Variants in ISM1 observed in about 807,000 individuals in gnomAD.
The protein encoded by ISM1 is isthmin 1.
A neutral mutation model predicts 46.3 loss-of-function variants in ISM1; 25 were observed. That is an observed-to-expected ratio of 0.54 (90% CI 0.39 to 0.75). The LOEUF (loss-of-function observed/expected upper bound fraction) is 0.75, where lower values mean the gene tolerates loss of function less well. ISM1 is among the 30% of genes least tolerant of loss of function. The pLI is 0.00. For synonymous variants in ISM1, 255 were observed against 256.7 expected, an observed-to-expected ratio of 0.99 and a Z score of 0.06; for missense variants, 536 against 625.4, an observed-to-expected ratio of 0.86 and a Z score of 1.52.
At chr20:13,251,092 C>T (rs1042576826) in intron 1 of ISM1, among the ~76,000 whole-genome samples, 1 of 152,130 alleles carries the variant, frequency 6.6e-6, no homozygotes, top group Non-Finnish European at 1.5e-5. Context: ...GGATTTCTGC[C>T]TCCCTCCCTA....
Position 13,270,715 on chromosome 20 carries a change from A to G in ISM1, c.350A>G (p.Asp117Gly), listed in dbSNP as rs368165367. 6.2e-7 allele frequency: 1 copy of G among 1,613,918 alleles called. No individual in the cohort carries two copies. Among genetic ancestry groups the G allele is most frequent in the Non-Finnish European group, 8.5e-7 (1 of 1,179,834 alleles). The stretch of plus-strand genomic sequence containing the variant: ...AACTTTCCAGATCTTTCCAAAGCTG[A>G]TATCAATGGGCAGAATCCAAATATC... ...LPNFPDLSKA[D>G]INGQNPNIQV... The change falls in exon 2 of 6, where the codon GAT becomes GGT. Residue 117 changes from aspartate to glycine, a missense_variant. Physicochemically the swap from Asp to Gly is moderately conservative, Grantham distance 94. Around this residue, in one of 2 missense-constraint regions of ISM1, gnomAD observed 367 missense variants for 376.1 expected, o/e 0.98. Coordinates refer to ENST00000262487, the MANE Select transcript of ISM1 (RefSeq NM_080826.2).
intron 1 of ISM1, among the ~76,000 whole-genome samples, chr20:13,246,868 T>C (rs1421704949): frequency 6.6e-6 from 1 of 152,176 alleles, no homozygotes; most frequent in Admixed American, 6.5e-5. Context: ...TGCATTGTAA[T>C]TAATATCCTT....
At chr20:13,248,948 G>A (rs568158627) in intron 1 of ISM1, among the ~76,000 whole-genome samples, 1 of 152,306 alleles carries the variant, frequency 6.6e-6, no homozygotes, top group Admixed American at 6.5e-5. Flanking sequence ...AGAAAGTGCT[G>A]TAACTTCTTA....
chr20:13,316,288 G>A, the ISM1 span, among the ~76,000 whole-genome samples: 1 of 151,928 alleles, frequency 6.6e-6, no homozygotes, highest in Non-Finnish European at 1.5e-5. Flanking sequence ...TAAGGAAATT[G>A]AATTGATAAT....
In ISM1 at chr20:13,270,512, C is replaced by T. The variant is rs1324819509; in HGVS notation, c.147C>T (p.Leu49=). ...NASQAQLQNN[L]NVGSDTTSET... is the part of the protein sequence containing the mutation. ...TTGTTTGTTTGTTTTAGAATAACCT[C>T]AACGTGGGAAGTGACACCACATCAG... Residue 49 remains leucine, a synonymous_variant, in exon 2 of 6, where the codon CTC becomes CTT. Coordinates refer to ENST00000262487, the MANE Select transcript of ISM1 (RefSeq NM_080826.2). 1 of 1,612,652 alleles carries T rather than the reference C, an allele frequency of 6.2e-7. No individual in the cohort carries two copies. Among genetic ancestry groups the T allele is most frequent in the Non-Finnish European group, 8.5e-7 (1 of 1,179,364 alleles).
At chr20:13,310,353 G>C in the ISM1 span, among the ~76,000 whole-genome samples, 1 of 152,172 alleles carries the variant, frequency 6.6e-6, no homozygotes, top group Non-Finnish European at 1.5e-5. Flanking sequence ...AAATGGTGCT[G>C]AGAAAACTGG....
the ISM1 span, among the ~76,000 whole-genome samples, chr20:13,313,452 C>T: frequency 9.2e-5 from 14 of 152,294 alleles, no homozygotes; most frequent in Non-Finnish European, 1.5e-4. Context: ...AACACGGAGC[C>T]GTAGTCAATT....
intron 1 of ISM1, among the ~76,000 whole-genome samples, chr20:13,226,155 A>C (rs1300411585): frequency 6.7e-6 from 1 of 148,772 alleles, no homozygotes; most frequent in Non-Finnish European, 1.5e-5. Flanking sequence ...GAATGTAGTA[A>C]AATGTCTTTG....
chr20:13,285,595 T>C (rs1297074310), intron 3 of ISM1, among the ~76,000 whole-genome samples: 1 of 152,196 alleles, frequency 6.6e-6, no homozygotes, highest in Non-Finnish European at 1.5e-5. Context: ...ACGGGCACTT[T>C]GTATACCTCA....
intron 1 of ISM1, among the ~76,000 whole-genome samples, chr20:13,224,010 G>A (rs2039483648): frequency 6.6e-6 from 1 of 152,108 alleles, no homozygotes; most frequent in Admixed American, 6.5e-5. Context: ...TAAAAGGGAA[G>A]TGGACTGAAT....
At chr20:13,306,566 A>AAAAAAAAAAAAAAAAAAAAAAAAC in the ISM1 span, among the ~76,000 whole-genome samples, 2 of 60,824 alleles carry the variant, frequency 3.3e-5, no homozygotes, top group Admixed American at 2.1e-4. Context: ...AGAAAGGACA[A>AAAAAAAAAAAAAAAAAAAAAAAAC]AAAAAAAAAA....
chr20:13,265,635 G>C (rs1157222720), intron 1 of ISM1, among the ~76,000 whole-genome samples: 1 of 152,144 alleles, frequency 6.6e-6, no homozygotes, highest in Non-Finnish European at 1.5e-5. Flanking sequence ...AAGGAATGCT[G>C]GTTCCTTTTG....
At chr20:13,311,885 T>C in the ISM1 span, among the ~76,000 whole-genome samples, 1 of 152,218 alleles carries the variant, frequency 6.6e-6, no homozygotes, top group African/African-American at 2.4e-5. Context: ...ATGATGACTG[T>C]AGTTAATAAT....
At chr20:13,247,528 G>GTGTC (rs1298696111) in intron 1 of ISM1, among the ~76,000 whole-genome samples, 10 of 150,544 alleles carry the variant, frequency 6.6e-5, no homozygotes, top group African/African-American at 2.2e-4. Flanking sequence ...GTGTGTGTGT[G>GTGTC]TGTGTGTGTG....
chr20:13,279,796 G>A lies in ISM1; in HGVS notation c.541G>A (p.Asp181Asn), dbSNP rs766901341. Reference sequence around the variant, plus strand: ...CAGCGGGGACCAGGACTACAAGTACGACAGTACCTCAGACGACAGCAACTT... The same window carrying A: ...CAGCGGGGACCAGGACTACAAGTACAACAGTACCTCAGACGACAGCAACTT... The part of the protein sequence containing the change: ...ANSGDQDYKY[D>N]STSDDSNFLN... The change falls in exon 3 of 6, where the codon GAC (aspartate) becomes AAC (asparagine). Residue 181 changes from aspartate (D) to asparagine (N), a missense_variant. This residue lies in a region of ISM1 where 367 missense variants were observed against 376.1 expected (regional missense o/e 0.98). Coordinates refer to ENST00000262487, the MANE Select transcript of ISM1 (RefSeq NM_080826.2). 9.3e-6 allele frequency: 15 copies of A among 1,613,916 alleles called. No individual in the cohort carries two copies. Among genetic ancestry groups the A allele is most frequent in the South Asian group, 6.6e-5 (6 of 91,090 alleles).
chr20:13,298,618 T>G (rs1695711591), intron 5 of ISM1, among the ~76,000 whole-genome samples: 2 of 152,160 alleles, frequency 1.3e-5, no homozygotes, highest in Admixed American at 1.3e-4. Flanking sequence ...TGATGAAATA[T>G]GGGTAGTCAT....
chr20:13,264,976 T>A (rs2040027010), intron 1 of ISM1, among the ~76,000 whole-genome samples: 1 of 152,164 alleles, frequency 6.6e-6, no homozygotes, highest in Non-Finnish European at 1.5e-5. Flanking sequence ...GGTAGCCTAG[T>A]GGACAAGTCA....
intron 3 of ISM1, among the ~76,000 whole-genome samples, chr20:13,286,955 G>T (rs537307081): frequency 2.0e-5 from 3 of 152,374 alleles, no homozygotes; most frequent in South Asian, 4.1e-4. Context: ...TAAACCAGGA[G>T]AAACTGTCAC....
At chr20:13,244,165 G>C (rs184973245) in intron 1 of ISM1, 16 of 152,290 alleles carry the variant, frequency 1.1e-4, no homozygotes, top group Admixed American at 2.6e-4. Context: ...TAGGCAGAGA[G>C]AAAACTTGCC....
Sources: gnomAD v4.1 joint callset for allele counts (sites outside exome capture counted in the v4.1 genomes callset) on GRCh38, gnomAD v4.1.1 for gene constraint, gnomAD v4.1.1 regional missense constraint, MANE v1.5 for transcripts, NCBI Gene and HGNC (gene_info 2026-07-23, HGNC 2026-07-21) for gene names.